Variants in CUX1 observed in about 807,000 individuals in gnomAD.
CUX1 encodes the protein cut like homeobox 1.
CUX1 carries 31 observed loss-of-function variants against 158.8 expected under a neutral mutation model. The ratio of observed to expected loss-of-function variants is 0.20; its 90% CI spans 0.15 to 0.26. The LOEUF (loss-of-function observed/expected upper bound fraction) is 0.26, where lower values mean the gene tolerates loss of function less well. Ranked by LOEUF, CUX1 falls within the 10% of genes least tolerant of loss-of-function variation. The pLI, the probability that CUX1 is intolerant of heterozygous loss-of-function variation, is 1.00. For synonymous variants in CUX1, 879 were observed against 862.1 expected (o/e 1.02, Z -0.34); for missense variants, 1,589 against 2,014.6 (o/e 0.79, Z 4.04).
At position 102,239,739 on chromosome 7, in the gene CUX1, T is replaced by C. The variant is rs578047315; in HGVS notation, c.3887+155T>C. 1.2e-3 allele frequency among the ~76,000 whole-genome samples: 183 copies of C among 149,102 alleles called. 1 individual carries two copies. Among genetic ancestry groups the C allele is most frequent in the African/African-American group, 4.1e-3 (167 of 41,076 alleles). On this transcript the variant is annotated intron_variant, in intron 23 of 23. Coordinates refer to ENST00000292535, the MANE Select transcript of CUX1 (RefSeq NM_181552.4). ...CGTTCCTTGGTCCCTTAGGGTTTTTTTTTTCTTTTCTTTTCTTTTCTTTTG... is the reference window on the plus strand; with the variant it reads ...CGTTCCTTGGTCCCTTAGGGTTTTTCTTTTCTTTTCTTTTCTTTTCTTTTG...
intron 2 of CUX1, among the ~76,000 whole-genome samples, chr7:101,984,249 T>C (rs1295803801): frequency 1.4e-5 from 2 of 148,052 alleles, no homozygotes; most frequent in East Asian, 2.0e-4. Context: ...TATGGGCCCA[T>C]GTTTTATTTC....
At chr7:102,043,950 T>C (rs1026530401) in intron 3 of CUX1, among the ~76,000 whole-genome samples, 5 of 152,096 alleles carry the variant, frequency 3.3e-5, no homozygotes, top group African/African-American at 1.2e-4. Context: ...ATTAAAGATG[T>C]TGAGCAGCTT....
chr7:102,217,459 C>T (rs1319585078), intron 20 of CUX1, among the ~76,000 whole-genome samples: 1 of 152,264 alleles, frequency 6.6e-6, no homozygotes, highest in Non-Finnish European at 1.5e-5. Flanking sequence ...CCTCCTCGTG[C>T]ATTTCAGGCC....
chr7:101,858,075 A>T (rs1797070474), intron 1 of CUX1, among the ~76,000 whole-genome samples: 1 of 152,008 alleles, frequency 6.6e-6, no homozygotes, highest in Non-Finnish European at 1.5e-5. Context: ...GTGAGCCAAG[A>T]TGGTGCCACT....
chr7:101,925,218 C>T (rs1237039336), intron 2 of CUX1, among the ~76,000 whole-genome samples: 6 of 152,164 alleles, frequency 3.9e-5, no homozygotes, highest in African/African-American at 9.7e-5. Context: ...CAGCAATTCT[C>T]CTGCCTCAGC....
intron 1 of CUX1, among the ~76,000 whole-genome samples, chr7:101,896,752 T>A (rs751948151): frequency 2.3e-4 from 35 of 152,328 alleles, no homozygotes; most frequent in Non-Finnish European, 4.1e-4. Context: ...TAAAAATAAA[T>A]GTTTGTGCTG....
chr7:102,144,344 G>C (rs382934), intron 8 of CUX1, among the ~76,000 whole-genome samples: 64,552 of 151,630 alleles, frequency 0.43, 14,720 homozygotes, highest in African/African-American at 0.57. Context: ...TTAAATTTCC[G>C]ACGTACGCGT....
chr7:101,817,733 G>T lies in CUX1; in HGVS notation c.30+64G>T. On this transcript the variant is annotated intron_variant, in intron 1 of 23. Transcript: ENST00000292535. The surrounding 1 kb of genome is among the most constrained non-coding windows in gnomAD (Gnocchi z 4.1). Reference sequence around the variant, plus strand: ...CGCGGAGGGAACCGGGGATGTCGGGGGGTGCCCGGGTCCCGCGGCTTAGAA... The same window carrying T: ...CGCGGAGGGAACCGGGGATGTCGGGTGGTGCCCGGGTCCCGCGGCTTAGAA... 1 of 1,536,674 alleles carries T rather than the reference G, an allele frequency of 6.5e-7. No homozygotes were observed. The highest frequency in any genetic ancestry group is 8.8e-7 in the Non-Finnish European group (1 of 1,140,254).
intron 2 of CUX1, among the ~76,000 whole-genome samples, chr7:101,972,923 G>A (rs1680186525): frequency 6.6e-6 from 1 of 152,210 alleles, no homozygotes; most frequent in African/African-American, 2.4e-5. Flanking sequence ...CCAGGGCAGA[G>A]TTTTAAACAG....
intron 5 of CUX1, among the ~76,000 whole-genome samples, chr7:102,099,489 T>TTTC: frequency 6.6e-6 from 1 of 150,922 alleles, no homozygotes; most frequent in South Asian, 2.1e-4. Context: ...TTTTTTTTTT[T>TTTC]CCCCTTCATT....
intron 8 of CUX1, among the ~76,000 whole-genome samples, chr7:102,139,762 C>T (rs1318278453): frequency 1.3e-5 from 2 of 152,166 alleles, no homozygotes; most frequent in African/African-American, 2.4e-5. Flanking sequence ...AGCCATCCTC[C>T]TGCCTCACCC....
chr7:102,026,828 A>C (rs1820086382), intron 2 of CUX1, among the ~76,000 whole-genome samples: 2 of 151,478 alleles, frequency 1.3e-5, no homozygotes, highest in Non-Finnish European at 2.9e-5. Context: ...TAAAAAAAAA[A>C]AAAAAAAAAA....
intron 2 of CUX1, among the ~76,000 whole-genome samples, chr7:102,001,245 C>T (rs1816651874): frequency 6.6e-6 from 1 of 152,074 alleles, no homozygotes; most frequent in Admixed American, 6.6e-5. Flanking sequence ...TGCCAGTAGC[C>T]CCAGTTAGCC....
chr7:102,126,813 A>T (rs1307194763), intron 8 of CUX1, among the ~76,000 whole-genome samples: 2 of 152,196 alleles, frequency 1.3e-5, no homozygotes, highest in East Asian at 3.8e-4. Flanking sequence ...TTATTATGAC[A>T]TTGTAATATA....
chr7:102,126,890 A>C (rs1832693809), intron 8 of CUX1, among the ~76,000 whole-genome samples: 1 of 152,218 alleles, frequency 6.6e-6, no homozygotes, highest in African/African-American at 2.4e-5. Flanking sequence ...GTTTTTCTGC[A>C]ACTACACAGT....
intron 8 of CUX1, among the ~76,000 whole-genome samples, chr7:102,146,319 C>G (rs1209039374): frequency 6.6e-6 from 1 of 152,168 alleles, no homozygotes; most frequent in Non-Finnish European, 1.5e-5. Context: ...CAGGCTGTTC[C>G]CGATCACGCT....
chr7:102,220,988 G>T (rs1278426539), intron 20 of CUX1, among the ~76,000 whole-genome samples: 14 of 152,104 alleles, frequency 9.2e-5, no homozygotes, highest in African/African-American at 3.4e-4. Flanking sequence ...GGGATTACAG[G>T]CGTGAGCCAC....
intron 3 of CUX1, among the ~76,000 whole-genome samples, chr7:102,047,726 G>A (rs77514631): frequency 0.011 from 1,640 of 152,232 alleles, 33 homozygotes; most frequent in African/African-American, 0.038. Context: ...TTTGACTATC[G>A]TGGAATTTAA....
chr7:102,197,042 G>C lies in CUX1; in HGVS notation c.1631G>C (p.Ser544Thr), dbSNP rs781933489. The C allele has an allele frequency of 6.2e-7, 1 of 1,614,262 alleles. No individual in the cohort carries two copies. The highest frequency in any genetic ancestry group is 8.5e-7 in the Non-Finnish European group (1 of 1,180,048). Residue 544 changes from serine to threonine, a missense_variant, in exon 15 of 24, where the codon AGC (serine) becomes ACC (threonine). Ser to Thr is a moderately conservative substitution (Grantham distance 58). Transcript: ENST00000292535. ...CCCAGCCAGTCAGAAAGTGCTGGGA[G>C]CGTCTCCGAGGGCGAGGAGATGGAC... ...PSPSQSESAG[S>T]VSEGEEMDTA... is the part of the protein sequence containing the mutation.
Sources: allele counts gnomAD v4.1 joint callset (sites outside exome capture counted in the v4.1 genomes callset), GRCh38; gene constraint gnomAD v4.1.1; non-coding constraint Gnocchi (gnomAD v3.1); transcripts MANE v1.5; gene names NCBI Gene and HGNC (gene_info 2026-07-23, HGNC 2026-07-21).